CSF2RA: variants seen among roughly 807,000 people sequenced by gnomAD.
CSF2RA encodes colony stimulating factor 2 receptor subunit alpha, also known as granulocyte-macrophage colony-stimulating factor receptor subunit alpha.
CSF2RA carries 42 observed loss-of-function variants against 51.6 expected under a neutral mutation model. The ratio of observed to expected loss-of-function variants is 0.81; its 90% CI spans 0.64 to 1.05. The LOEUF (loss-of-function observed/expected upper bound fraction) is 1.05, where lower values mean the gene tolerates loss of function less well. Among genes scored for constraint, CSF2RA ranks in the 50% least tolerant of loss-of-function variants. The pLI, the probability that CSF2RA is intolerant of heterozygous loss-of-function variation, is 0.00. For synonymous variants in CSF2RA, 222 were observed against 193.0 expected, an observed-to-expected ratio of 1.15 and a Z score of -1.24; for missense variants, 530 against 501.1, an observed-to-expected ratio of 1.06 and a Z score of -0.55.
At chrX:1,324,358 AAG>A in the CSF2RA span, among the ~76,000 whole-genome samples, 1 of 148,516 alleles carries the variant, frequency 6.7e-6, no homozygotes, top group African/African-American at 2.5e-5. Context: ...AGGAAGGAAA[AAG>A]AGAAAGGAAA....
At chrX:1,307,369 A>T (rs1428957872) in intron 12 of CSF2RA, among the ~76,000 whole-genome samples, 42 of 148,874 alleles carry the variant, frequency 2.8e-4, no homozygotes, top group Non-Finnish European at 5.2e-4. Flanking sequence ...CCTTCGACTG[A>T]TTAGATGAGG....
chrX:1,305,007 T>G (rs1369373817), intron 11 of CSF2RA, among the ~76,000 whole-genome samples: 1 of 146,312 alleles, frequency 6.8e-6, no homozygotes, highest in Non-Finnish European at 1.5e-5. Context: ...TTTTTTTGTT[T>G]TTTTGAGATG....
chrX:1,316,070 A>AGATAGATAGATAGATAGATAGATC, the CSF2RA span, among the ~76,000 whole-genome samples: 1 of 152,018 alleles, frequency 6.6e-6, no homozygotes, highest in Admixed American at 6.6e-5. Context: ...ATAGATAGAT[A>AGATAGATAGATAGATAGATAGATC]GATAGATAGA....
At chrX:1,317,290 C>T in the CSF2RA span, among the ~76,000 whole-genome samples, 1 of 82,186 alleles carries the variant, frequency 1.2e-5, no homozygotes, top group Admixed American at 2.0e-4. Flanking sequence ...TTGTTCTTGT[C>T]GCCCAGGCTG....
At chrX:1,270,364 C>T (rs28469093) in intron 1 of CSF2RA, among the ~76,000 whole-genome samples, 49,417 of 151,478 alleles carry the variant, frequency 0.33, 9,591 homozygotes, top group African/African-American at 0.56. Context: ...CTCGGCCTCC[C>T]GAGTAGCTGG....
At chrX:1,295,522 C>A (rs780938434) in intron 9 of CSF2RA, 66 bp downstream of exon 9, 2 of 1,408,932 alleles carry the variant, frequency 1.4e-6, no homozygotes, top group African/African-American at 2.9e-5. Flanking sequence ...ACTCACCACA[C>A]CTAGTGTAAC....
downstream of CSF2RA, among the ~76,000 whole-genome samples, chrX:1,314,270 C>T (rs867881348): frequency 0.077 from 1,507 of 19,512 alleles, 169 homozygotes; most frequent in East Asian, 0.46. Context: ...CCCCACTGCG[C>T]CTGCCCAACC....
chrX:1,280,922 C>CCTCCTTCTCCTTCTCCTG (rs2089877717), intron 2 of CSF2RA, among the ~76,000 whole-genome samples: 2 of 132,996 alleles, frequency 1.5e-5, no homozygotes, highest in African/African-American at 2.8e-5. Flanking sequence ...TCCTCCTCCT[C>CCTCCTTCTCCTTCTCCTG]CTCCTTCTCC....
chrX:1,312,242 A>G (rs2084222762), downstream of CSF2RA, among the ~76,000 whole-genome samples: 2 of 152,126 alleles, frequency 1.3e-5, no homozygotes, highest in African/African-American at 4.8e-5. Context: ...CCTGTTCCTT[A>G]TAAGGACAAT....
chrX:1,289,088 G>C (rs2091086701), intron 6 of CSF2RA, 200 bp downstream of exon 6: 1 of 658,082 alleles, frequency 1.5e-6, no homozygotes. Context: ...CAGCTTCCCA[G>C]GTAGCTGGGA....
Position 1,300,627 on chromosome X carries a change from G to A in CSF2RA, c.946+1G>A. On this transcript the variant is annotated splice_donor_variant, in intron 10 of 12. Coordinates refer to ENST00000381529, the MANE Select transcript of CSF2RA (RefSeq NM_172245.4). LOFTEE classifies it high-confidence loss of function. ...TCCTGGAGTGAAGCCATTGAATTTG[G>A]TAAGCGTTGGGCGGAGGTAAGGGAT... 2 of 1,613,920 alleles carry A rather than the reference G, an allele frequency of 1.2e-6. No homozygotes were observed. Among genetic ancestry groups the A allele is most frequent in the Non-Finnish European group, 1.7e-6 (2 of 1,179,872 alleles).
At chrX:1,299,647 G>A (rs1242551924) in intron 9 of CSF2RA, among the ~76,000 whole-genome samples, 1 of 152,190 alleles carries the variant, frequency 6.6e-6, no homozygotes, top group Non-Finnish European at 1.5e-5. Context: ...GCCAGGCACG[G>A]TGGCTCACGC....
chrX:1,301,902 G>A (rs1374009972), intron 10 of CSF2RA, among the ~76,000 whole-genome samples: 3 of 141,916 alleles, frequency 2.1e-5, no homozygotes, highest in African/African-American at 5.3e-5. Flanking sequence ...CACCGTGCCC[G>A]GCCCTCCCTC....
chrX:1,288,166 C>A (rs757406571), intron 4 of CSF2RA, among the ~76,000 whole-genome samples: 39 of 151,804 alleles, frequency 2.6e-4, no homozygotes, highest in African/African-American at 9.4e-4. Context: ...GAGGCAGGTG[C>A]GTGTCGCCAA....
chrX:1,308,169 C>T (rs1466093298), intron 12 of CSF2RA, among the ~76,000 whole-genome samples: 12 of 152,144 alleles, frequency 7.9e-5, no homozygotes, highest in Non-Finnish European at 1.3e-4. Context: ...TTGACATCTA[C>T]AAAGCCCCTT....
At chrX:1,283,785 G>C (rs1379144783) in intron 3 of CSF2RA, among the ~76,000 whole-genome samples, 2 of 151,938 alleles carry the variant, frequency 1.3e-5, no homozygotes, top group Non-Finnish European at 2.9e-5. Flanking sequence ...GGCCAGGCTG[G>C]TCTCAATCTC....
At chrX:1,271,987 T>C (rs2088497931) in intron 1 of CSF2RA, among the ~76,000 whole-genome samples, 1 of 150,596 alleles carries the variant, frequency 6.6e-6, no homozygotes, top group South Asian at 2.1e-4. Flanking sequence ...GGAGTCTCGC[T>C]CTGTCACCGA....
At chrX:1,272,179 C>G (rs2088523098) in intron 1 of CSF2RA, among the ~76,000 whole-genome samples, 1 of 151,846 alleles carries the variant, frequency 6.6e-6, no homozygotes, top group Admixed American at 6.6e-5. Context: ...GTCTCGAACA[C>G]CTGACCTCAG....
chrX:1,282,032 A>G (rs1668183528), intron 2 of CSF2RA: 1 of 21,504 alleles, frequency 4.7e-5, no homozygotes, highest in South Asian at 1.3e-3. Context: ...TGTTTCTACT[A>G]AAAAAAAAAA....
Sources: gnomAD v4.1 joint callset for allele counts (sites outside exome capture counted in the v4.1 genomes callset) on GRCh38, gnomAD v4.1.1 for gene constraint, MANE v1.5 for transcripts, NCBI Gene and HGNC (gene_info 2026-07-23, HGNC 2026-07-21) for gene names.